The following MDGA2 variants were observed in gnomAD, a reference collection of about 807,000 sequenced individuals.
MDGA2 encodes MAM domain containing glycosylphosphatidylinositol anchor 2.
A neutral mutation model predicts 117.8 loss-of-function variants in MDGA2; 40 were observed. The observed-to-expected ratio is 0.34, with a 90% CI of 0.26 to 0.44. The LOEUF (loss-of-function observed/expected upper bound fraction) is 0.44, where lower values mean the gene tolerates loss of function less well. MDGA2 is among the 20% of genes least tolerant of loss of function. The pLI is 1.00. For synonymous variants in MDGA2, 452 were observed against 439.0 expected, an observed-to-expected ratio of 1.03 and a Z score of -0.37; for missense variants, 1,123 against 1,250.6, an observed-to-expected ratio of 0.90 and a Z score of 1.54.
intron 5 of MDGA2, among the ~76,000 whole-genome samples, chr14:47,104,730 T>C (rs1189732293): frequency 2.0e-5 from 3 of 152,170 alleles, no homozygotes; most frequent in African/African-American, 4.8e-5. Flanking sequence ...ATCAATCCCC[T>C]GTCCTCCTGC....
At chr14:46,911,109 C>A (rs569920959) in intron 10 of MDGA2, among the ~76,000 whole-genome samples, 2 of 151,984 alleles carry the variant, frequency 1.3e-5, no homozygotes, top group African/African-American at 2.4e-5. Flanking sequence ...CAAGTTTACC[C>A]ATATAACAAA....
At chr14:47,092,854 G>T (rs761761644) in intron 6 of MDGA2, among the ~76,000 whole-genome samples, 16 of 152,014 alleles carry the variant, frequency 1.1e-4, no homozygotes, top group Non-Finnish European at 2.1e-4. Flanking sequence ...AGGGGTAGGG[G>T]TATAGCACAA....
intron 6 of MDGA2, among the ~76,000 whole-genome samples, chr14:47,096,652 C>T (rs183585690): frequency 1.8e-4 from 28 of 152,054 alleles, no homozygotes; most frequent in Middle Eastern, 3.4e-3. Context: ...AGCTATTCAA[C>T]GCATATATAA....
chr14:47,509,858 G>A (rs1894601981), intron 1 of MDGA2, among the ~76,000 whole-genome samples: 1 of 152,110 alleles, frequency 6.6e-6, no homozygotes, highest in South Asian at 2.1e-4. Flanking sequence ...ATTTGCCTAG[G>A]GATGAATCGT....
At chr14:47,281,715 G>T (rs573977417) in intron 2 of MDGA2, among the ~76,000 whole-genome samples, 1 of 152,170 alleles carries the variant, frequency 6.6e-6, no homozygotes, top group East Asian at 1.9e-4. Flanking sequence ...GCTGATTTTT[G>T]AATTCTGTAA....
chr14:47,117,157 A>G (rs72678500), intron 5 of MDGA2, among the ~76,000 whole-genome samples: 17,032 of 152,148 alleles, frequency 0.11, 1,093 homozygotes, highest in Admixed American at 0.11. Flanking sequence ...ATATGAACAA[A>G]TGCTCAGTGT....
At chr14:47,346,979 TGAGA>T (rs1350552285) in intron 1 of MDGA2, among the ~76,000 whole-genome samples, 2 of 152,068 alleles carry the variant, frequency 1.3e-5, no homozygotes, top group Non-Finnish European at 2.9e-5. Flanking sequence ...AATGGAAAGA[TGAGA>T]CTAATGGAAG....
chr14:47,169,015 TATAG>T (rs998887888), intron 3 of MDGA2, among the ~76,000 whole-genome samples: 22 of 152,192 alleles, frequency 1.4e-4, no homozygotes, highest in Admixed American at 4.6e-4. Context: ...AATTCAGATA[TATAG>T]ATAGATAGAT....
At chr14:47,045,679 G>T (rs896572856) in intron 7 of MDGA2, among the ~76,000 whole-genome samples, 3 of 152,128 alleles carry the variant, frequency 2.0e-5, no homozygotes, top group African/African-American at 4.8e-5. Flanking sequence ...TAACAAGAAA[G>T]GGGGGGCAGG....
chr14:47,123,075 T>C (rs529266097), intron 5 of MDGA2, among the ~76,000 whole-genome samples: 1 of 152,212 alleles, frequency 6.6e-6, no homozygotes, highest in East Asian at 1.9e-4. Context: ...TTATTTGATA[T>C]GGTCCAAAAT....
rs571185553 is a variant in MDGA2, at chr14:46,890,107, C to T, written c.2239-7886G>A. 3.3e-5 allele frequency among the ~76,000 whole-genome samples: 5 copies of T among 152,140 alleles called. No homozygotes were observed. In the South Asian group the frequency reaches 6.2e-4, roughly 19 times the overall value. On this transcript the variant is annotated intron_variant, in intron 10 of 16. Coordinates refer to ENST00000399232, the MANE Select transcript of MDGA2 (RefSeq NM_001113498.3). ...TGACATAAAGCATTTCAGAACTCAA[C>T]GCTTTTTCTCCCCCAGCCACCTCCT... is the stretch of plus-strand genomic sequence containing the variant.
chr14:47,540,395 T>C (rs1314725060), intron 1 of MDGA2, among the ~76,000 whole-genome samples: 3 of 151,886 alleles, frequency 2.0e-5, no homozygotes, highest in Non-Finnish European at 4.4e-5. Flanking sequence ...AGCAAGCCAC[T>C]GATACTTCCT....
At chr14:47,587,593 C>T (rs1896349804) in intron 1 of MDGA2, among the ~76,000 whole-genome samples, 1 of 151,830 alleles carries the variant, frequency 6.6e-6, no homozygotes, top group African/African-American at 2.4e-5. Flanking sequence ...AGAAGTCTTT[C>T]ATAACAACCC....
At chr14:47,011,878 T>C (rs1887906576) in intron 8 of MDGA2, among the ~76,000 whole-genome samples, 2 of 152,062 alleles carry the variant, frequency 1.3e-5, no homozygotes, top group African/African-American at 4.8e-5. Context: ...ATCGTATACA[T>C]TTTTTCTCAG....
intron 2 of MDGA2, among the ~76,000 whole-genome samples, chr14:47,247,451 C>T (rs897986292): frequency 6.6e-6 from 1 of 150,990 alleles, no homozygotes; most frequent in Non-Finnish European, 1.5e-5. Flanking sequence ...AGTACAGGCA[C>T]CTGCCACCAT....
chr14:47,176,713 G>C (rs1884467243), intron 3 of MDGA2, among the ~76,000 whole-genome samples: 1 of 152,110 alleles, frequency 6.6e-6, no homozygotes, highest in Non-Finnish European at 1.5e-5. Context: ...AGAAAACCTA[G>C]GCATTACCAT....
At chr14:47,077,852 C>A (rs950287120) in intron 6 of MDGA2, among the ~76,000 whole-genome samples, 1 of 151,860 alleles carries the variant, frequency 6.6e-6, no homozygotes, top group African/African-American at 2.4e-5. Context: ...AAAAGTTGTA[C>A]AAGAGAAGTA....
intron 1 of MDGA2, among the ~76,000 whole-genome samples, chr14:47,504,872 A>C (rs867190247): frequency 4.6e-5 from 7 of 152,170 alleles, no homozygotes. Context: ...TGAAATCAAC[A>C]TGCTGAAGAG....
Position 47,228,167 on chromosome 14 carries a change from T to C in MDGA2, c.421-9972A>G, listed in dbSNP as rs533839813. 1.8e-4 allele frequency among the ~76,000 whole-genome samples: 27 copies of C among 151,442 alleles called. 1 individual carries two copies. Among genetic ancestry groups the C allele is most frequent in the Admixed American group, 1.7e-3 (26 of 15,172 alleles). ...AACATACTAGTATTTATCTTAGTTA[T>C]AAAAAAAAATACTGGATCTGTGATA... On this transcript the variant is annotated intron_variant, in intron 2 of 16. Transcript: ENST00000399232.
Sources: allele counts gnomAD v4.1 joint callset (sites outside exome capture counted in the v4.1 genomes callset), GRCh38; gene constraint gnomAD v4.1.1; transcripts MANE v1.5; gene names NCBI Gene and HGNC (gene_info 2026-07-23, HGNC 2026-07-21).